ACTN2: variants seen among roughly 807,000 people sequenced by gnomAD.
ACTN2 encodes actinin alpha 2.
ACTN2 carries 39 observed loss-of-function variants against 113.8 expected under a neutral mutation model. That is an observed-to-expected ratio of 0.34 (90% CI 0.27 to 0.45). The LOEUF (loss-of-function observed/expected upper bound fraction) is 0.45. ACTN2 is among the 20% of genes least tolerant of loss of function. ACTN2 has a pLI of 1.00. For missense variants in ACTN2, 992 were observed against 1,177.9 expected, an observed-to-expected ratio of 0.84 and a Z score of 2.31; for synonymous variants, 429 against 444.1, an observed-to-expected ratio of 0.97 and a Z score of 0.43.
rs1167048735 is a variant in ACTN2, at chr1:236,754,027, C to T, written c.1920C>T (p.Arg640=). The T allele has an allele frequency of 2.5e-6, 4 of 1,614,152 alleles. No individual in the cohort carries two copies. Among genetic ancestry groups the T allele is most frequent in the East Asian group, 2.2e-5 (1 of 44,874 alleles). Residue 640 remains arginine, a synonymous_variant, in exon 16 of 21, where the codon CGC becomes CGT. Transcript: ENST00000366578. This position sits in a 1 kb window ranked among gnomAD's most constrained non-coding sequence, Gnocchi z 4.9. ...ARQHANERLR[R]QFAAQANAIG... Reference sequence around the variant, plus strand: ...AGCATGCTAACGAGCGTCTGAGGCGCCAGTTTGCTGCCCAAGCCAATGCCA... The same window carrying T: ...AGCATGCTAACGAGCGTCTGAGGCGTCAGTTTGCTGCCCAAGCCAATGCCA...
chr1:236,726,238 G>A (rs1658546033), intron 5 of ACTN2, among the ~76,000 whole-genome samples: 1 of 152,194 alleles, frequency 6.6e-6, no homozygotes, highest in Non-Finnish European at 1.5e-5. Flanking sequence ...ATTTGTAAGT[G>A]AATGGTATTG....
chr1:236,762,701 G>A lies in ACTN2; in HGVS notation c.*82G>A. The A allele has an allele frequency of 1.3e-6, 2 of 1,522,752 alleles. No homozygotes were observed. The highest frequency in any genetic ancestry group is 4.8e-5 in the East Asian group (2 of 41,672). The allele number at this position is 1,522,752 out of a possible 1,614,324, so 94.3% of individuals were successfully genotyped here. A position where few individuals can be genotyped will look rare whatever the true frequency, so the allele number is the denominator to read the frequency against. Reference sequence around the variant, plus strand: ...GTTTGTTTCCTGGAAACTTTGACAAGCTTTATTAAGTTGAGAGAGAGAGAG... The same window carrying A: ...GTTTGTTTCCTGGAAACTTTGACAAACTTTATTAAGTTGAGAGAGAGAGAG... On this transcript the variant is annotated 3_prime_UTR_variant, in exon 21 of 21. Transcript: ENST00000366578.
chr1:236,717,671 A>G (rs574002560), intron 1 of ACTN2, among the ~76,000 whole-genome samples, 187 bp from the exon 2 acceptor site: 1 of 152,308 alleles, frequency 6.6e-6, no homozygotes, highest in African/African-American at 2.4e-5. Context: ...CTAAAGTGGA[A>G]AATTTACTAA....
intron 14 of ACTN2, 139 bp downstream of exon 14, chr1:236,749,403 T>C: frequency 9.1e-7 from 1 of 1,095,766 alleles, no homozygotes; most frequent in South Asian, 1.4e-5. Flanking sequence ...CAAATTACCC[T>C]TGAACCTTAG....
chr1:236,735,464 G>A (rs552905305), intron 7 of ACTN2, among the ~76,000 whole-genome samples, 171 bp from the exon 8 acceptor site: 9 of 152,220 alleles, frequency 5.9e-5, no homozygotes, highest in East Asian at 3.9e-4. Flanking sequence ...GAATCATTTC[G>A]ATACAATATG....
rs568685302 is a variant in ACTN2, at chr1:236,752,473, G to A, written c.1839+821G>A. Among the ~76,000 whole-genome samples the A allele has an allele frequency of 3.8e-5, 4 of 105,352 alleles. No homozygotes were observed. The South Asian group carries it at 1.0e-3, about 26-fold the overall frequency. The allele number at this position is 105,352 out of a possible 152,430, so 69.1% of individuals were successfully genotyped here. On this transcript the variant is annotated intron_variant, in intron 15 of 20. Transcript: ENST00000366578. Reference sequence around the variant, plus strand: ...CTAACGAACACCCAAAGAGAGACAGGAAACAAACTGATTTAAGTAGTTTTC... The same window carrying A: ...CTAACGAACACCCAAAGAGAGACAGAAAACAAACTGATTTAAGTAGTTTTC...
At chr1:236,728,737 GT>G (rs1658633243) in intron 6 of ACTN2, among the ~76,000 whole-genome samples, 1 of 151,734 alleles carries the variant, frequency 6.6e-6, no homozygotes, top group Admixed American at 6.6e-5. Flanking sequence ...TTCTTTAAAA[GT>G]AGTTTTAAGG....
At chr1:236,710,638 G>A (rs12067644) in intron 1 of ACTN2, among the ~76,000 whole-genome samples, 11,896 of 152,168 alleles carry the variant, frequency 0.078, 1,196 homozygotes, top group African/African-American at 0.23. Flanking sequence ...GTACTGGTCC[G>A]TGACCTGTTA....
intron 18 of ACTN2, among the ~76,000 whole-genome samples, chr1:236,757,902 A>T (rs1659595787): frequency 6.6e-6 from 1 of 152,172 alleles, no homozygotes; most frequent in Non-Finnish European, 1.5e-5. Flanking sequence ...ATTTGTTCTA[A>T]GTCAAAGTGT....
intron 7 of ACTN2, among the ~76,000 whole-genome samples, chr1:236,734,680 C>T (rs1033078360): frequency 2.0e-5 from 3 of 152,094 alleles, no homozygotes; most frequent in African/African-American, 7.2e-5. Flanking sequence ...TTCTTTGAAA[C>T]TTACTTTCTG....
At position 236,754,562 on chromosome 1, in the gene ACTN2, G is replaced by T. The variant is rs1398453593; in HGVS notation, c.1975-457G>T. 2.6e-5 allele frequency among the ~76,000 whole-genome samples: 4 copies of T among 152,024 alleles called. No individual in the cohort carries two copies. The highest frequency in any genetic ancestry group is 1.3e-4 in the Admixed American group (2 of 15,252). ...TTATTTCTTGTCCCACCACCCTTTTGGTGTTGAAATATTGACTTTTTTCTT... is the reference window on the plus strand; with the variant it reads ...TTATTTCTTGTCCCACCACCCTTTTTGTGTTGAAATATTGACTTTTTTCTT... On this transcript the variant is annotated intron_variant, in intron 16 of 20. Transcript: ENST00000366578. This position sits in a 1 kb window ranked among gnomAD's most constrained non-coding sequence, Gnocchi z 4.9.
At chr1:236,727,153 A>C (rs1044161511) in intron 5 of ACTN2, among the ~76,000 whole-genome samples, 2 of 148,748 alleles carry the variant, frequency 1.3e-5, no homozygotes, top group African/African-American at 4.9e-5. Context: ...GTCCTCCTTC[A>C]CCTACATGCC....
At chr1:236,701,023 A>G (rs1352689936) in intron 1 of ACTN2, among the ~76,000 whole-genome samples, 1 of 152,194 alleles carries the variant, frequency 6.6e-6, no homozygotes, top group Non-Finnish European at 1.5e-5. Flanking sequence ...TTATGAAATG[A>G]ACTGACACCA....
At chr1:236,717,324 C>G (rs1658249481) in intron 1 of ACTN2, among the ~76,000 whole-genome samples, 1 of 152,020 alleles carries the variant, frequency 6.6e-6, no homozygotes, top group South Asian at 2.1e-4. Flanking sequence ...ATAGTCCCAG[C>G]TACTTAGGGG....
At chr1:236,728,451 C>G (rs2102907765) in intron 6 of ACTN2, among the ~76,000 whole-genome samples, 1 of 152,258 alleles carries the variant, frequency 6.6e-6, no homozygotes, top group Middle Eastern at 3.4e-3. Context: ...CCCATCCAAG[C>G]CTTTTTAAAG....
rs1150181 is a variant in ACTN2 at position 236,739,482 on chromosome 1, C to T, written c.1057C>T (p.Arg353Trp). The change falls in exon 10 of 21, where the codon CGG becomes TGG. Residue 353 changes from arginine to tryptophan, a missense_variant. Around this residue, in one of 3 missense-constraint regions of ACTN2, gnomAD observed 736 missense variants for 815.4 expected, o/e 0.90. Transcript: ENST00000366578. ...CTTCAACACGCTGCAGACCAAGCTG[C>T]GGATCAGCAACCGTCCTGCCTTCAT... is the stretch of plus-strand genomic sequence containing the variant. ...INFNTLQTKL[R>W]ISNRPAFMPS... 2.8e-5 allele frequency: 45 copies of T among 1,614,024 alleles called. No homozygotes were observed. Among genetic ancestry groups the T allele is most frequent in the Non-Finnish European group, 3.6e-5 (42 of 1,180,030 alleles).
chr1:236,745,235 C>T (rs1277465349), intron 12 of ACTN2, among the ~76,000 whole-genome samples: 1 of 151,970 alleles, frequency 6.6e-6, no homozygotes, highest in Non-Finnish European at 1.5e-5. Flanking sequence ...GAGATCGAGA[C>T]CATCCTGGCT....
chr1:236,735,497 C>CGGGCCCAT, intron 7 of ACTN2, 138 bp from the exon 8 acceptor site: 1 of 771,322 alleles, frequency 1.3e-6, no homozygotes, highest in Non-Finnish European at 2.3e-6. Context: ...TTCGGGACCA[C>CGGGCCCAT]GGGCCCATGA....
chr1:236,759,944 A>G (rs549095952), intron 19 of ACTN2, among the ~76,000 whole-genome samples, 155 bp downstream of exon 19: 109 of 152,324 alleles, frequency 7.2e-4, no homozygotes, highest in African/African-American at 2.5e-3. Flanking sequence ...CACTGTTATT[A>G]TATAAAAATA....
Sources: gnomAD v4.1 joint callset for allele counts (sites outside exome capture counted in the v4.1 genomes callset) on GRCh38, gnomAD v4.1.1 for gene constraint, gnomAD v4.1.1 regional missense constraint, Gnocchi (gnomAD v3.1) non-coding constraint, MANE v1.5 for transcripts, NCBI Gene and HGNC (gene_info 2026-07-23, HGNC 2026-07-21) for gene names.